The following ZNRF3 variants were observed in gnomAD, a reference collection of about 807,000 sequenced individuals.
The protein encoded by ZNRF3 is zinc and ring finger 3.
ZNRF3 carries 23 observed loss-of-function variants against 72.5 expected under a neutral mutation model. The ratio of observed to expected loss-of-function variants is 0.32; its 90% CI spans 0.23 to 0.45. The LOEUF (loss-of-function observed/expected upper bound fraction) is 0.45. Among genes scored for constraint, ZNRF3 ranks in the 20% least tolerant of loss-of-function variants. ZNRF3 has a pLI of 1.00. For missense variants in ZNRF3, 1,169 were observed against 1,272.1 expected (o/e 0.92, Z 1.23); for synonymous variants, 610 against 545.3 (o/e 1.12, Z -1.65).
intron 1 of ZNRF3, among the ~76,000 whole-genome samples, chr22:28,943,412 C>T (rs1217239526): frequency 6.6e-6 from 1 of 152,176 alleles, no homozygotes; most frequent in Non-Finnish European, 1.5e-5. Context: ...GAGAGATTTA[C>T]CAGGCTGGGG....
intron 2 of ZNRF3, among the ~76,000 whole-genome samples, chr22:28,989,882 C>T (rs2035924946): frequency 6.6e-6 from 1 of 152,196 alleles, no homozygotes; most frequent in Non-Finnish European, 1.5e-5. Context: ...AATGCCTCTC[C>T]AAGAGTTCAA....
chr22:28,926,648 C>T (rs950254381), intron 1 of ZNRF3, among the ~76,000 whole-genome samples: 5 of 151,312 alleles, frequency 3.3e-5, no homozygotes, highest in Admixed American at 1.3e-4. Flanking sequence ...ACTAAAAATA[C>T]AGAAATTAGC....
chr22:28,986,559 C>T, intron 1 of ZNRF3: 4 of 953,846 alleles, frequency 4.2e-6, no homozygotes, highest in Non-Finnish European at 5.0e-6. Context: ...CCAGGGGTAG[C>T]CTTTAAACAG....
chr22:29,011,199 G>T (rs937906997), intron 2 of ZNRF3, among the ~76,000 whole-genome samples: 1 of 152,184 alleles, frequency 6.6e-6, no homozygotes, highest in African/African-American at 2.4e-5. Context: ...TGCTTCCCTG[G>T]CTAGGCTCTT....
chr22:28,927,555 A>G (rs2034626742), intron 1 of ZNRF3, among the ~76,000 whole-genome samples: 1 of 152,222 alleles, frequency 6.6e-6, no homozygotes, highest in Non-Finnish European at 1.5e-5. Flanking sequence ...TTTGCTCTGT[A>G]TCCCCTCCAA....
chr22:28,957,690 C>T (rs1289134045), intron 1 of ZNRF3, among the ~76,000 whole-genome samples: 3 of 151,902 alleles, frequency 2.0e-5, no homozygotes, highest in South Asian at 2.1e-4. Flanking sequence ...CCGCTCGCCT[C>T]GGCCTCCCAA....
chr22:29,053,430 T>C lies in ZNRF3; in HGVS notation c.2768-149T>C, dbSNP rs1013449702. On this transcript the variant is annotated intron_variant, in intron 8 of 8. Transcript: ENST00000544604. ...GAGGTACCTGTGCTCTCAGCACAAATGGAGCCCCTCTGGGAACAGGAACCT... is the reference window on the plus strand; with the variant it reads ...GAGGTACCTGTGCTCTCAGCACAAACGGAGCCCCTCTGGGAACAGGAACCT... 95 of 628,428 alleles carry C rather than the reference T, an allele frequency of 1.5e-4. 1 individual carries two copies. The highest frequency in any genetic ancestry group is 2.3e-4 in the Non-Finnish European group (84 of 371,046). 38.9% of individuals were successfully genotyped at this position (628,428 alleles called of 1,614,324 possible).
chr22:29,043,269 T>C (rs777502302), intron 3 of ZNRF3, 30 bp from the exon 4 acceptor site: 2 of 1,610,264 alleles, frequency 1.2e-6, no homozygotes, highest in Non-Finnish European at 1.7e-6. Context: ...TAAGCGCACC[T>C]TTTAACCAGA....
Position 28,890,504 on chromosome 22 carries a change from TA to T in ZNRF3, c.300+6446del, listed in dbSNP as rs566965980. Among the ~76,000 whole-genome samples the T allele has an allele frequency of 1.5e-4, 23 of 151,704 alleles. No homozygotes were observed. The East Asian group carries it at 4.3e-3, about 28-fold the overall frequency. On this transcript the variant is annotated intron_variant, in intron 1 of 8. Transcript: ENST00000544604. ...GACAGAGCAAGACTCCGTCTCAAAA[TA>T]AAAAAAATAAAAAGAAATCTGTGTG... is the stretch of plus-strand genomic sequence containing the variant.
chr22:29,020,950 C>G (rs2036527992), intron 2 of ZNRF3, among the ~76,000 whole-genome samples: 1 of 152,050 alleles, frequency 6.6e-6, no homozygotes, highest in South Asian at 2.1e-4. Flanking sequence ...GCACCCACCA[C>G]CACGCCTGGC....
intron 1 of ZNRF3, among the ~76,000 whole-genome samples, chr22:28,910,074 T>TG (rs2034288758): frequency 1.3e-5 from 2 of 151,758 alleles, no homozygotes; most frequent in Admixed American, 1.3e-4. Flanking sequence ...TTGCTCTTGT[T>TG]GCCCAGGCTG....
chr22:29,039,222 C>T (rs1427509129), intron 2 of ZNRF3, among the ~76,000 whole-genome samples: 1 of 152,180 alleles, frequency 6.6e-6, no homozygotes, highest in African/African-American at 2.4e-5. Context: ...CCGGGCGGAG[C>T]AGGGAAGCCT....
chr22:28,900,900 GT>G (rs1472321439), intron 1 of ZNRF3, among the ~76,000 whole-genome samples: 1 of 152,064 alleles, frequency 6.6e-6, no homozygotes, highest in Non-Finnish European at 1.5e-5. Context: ...GAGGCCAGGA[GT>G]TTAAGACCAG....
At chr22:29,011,989 G>T (rs1183710111) in intron 2 of ZNRF3, among the ~76,000 whole-genome samples, 4 of 152,172 alleles carry the variant, frequency 2.6e-5, no homozygotes, top group Non-Finnish European at 5.9e-5. Flanking sequence ...CACAGCCGGG[G>T]GACCCTGCAA....
intron 1 of ZNRF3, among the ~76,000 whole-genome samples, chr22:28,884,289 AC>A (rs933830282): frequency 2.0e-5 from 3 of 151,808 alleles, no homozygotes; most frequent in African/African-American, 7.3e-5. Flanking sequence ...GCTCCTGTGA[AC>A]CCCGGGGCGG....
chr22:28,898,850 T>G (rs2123750530), intron 1 of ZNRF3, among the ~76,000 whole-genome samples: 2 of 152,168 alleles, frequency 1.3e-5, no homozygotes, highest in South Asian at 4.1e-4. Context: ...GATTTTCTAG[T>G]CTTTATGGGG....
Position 29,054,320 on chromosome 22 carries a change from G to A in ZNRF3, c.*698G>A, listed in dbSNP as rs1040681760. ...GGGTGTACATGATCCACAGCCCTGC[G>A]GAGCCAGGTCAAGCCGCTGCTATGA... On this transcript the variant is annotated 3_prime_UTR_variant, in exon 9 of 9. Transcript: ENST00000544604. 1.3e-5 allele frequency: 2 copies of A among 152,350 alleles called. No homozygotes were observed. The highest frequency in any genetic ancestry group is 4.8e-5 in the African/African-American group (2 of 41,460). The allele number at this position is 152,350 out of a possible 1,614,324, so 9.4% of individuals were successfully genotyped here.
At chr22:29,034,810 G>T (rs2036836175) in intron 2 of ZNRF3, among the ~76,000 whole-genome samples, 1 of 152,126 alleles carries the variant, frequency 6.6e-6, no homozygotes, top group Non-Finnish European at 1.5e-5. Context: ...CAGCACCATG[G>T]GCAGGATGTG....
intron 1 of ZNRF3, among the ~76,000 whole-genome samples, chr22:28,966,159 C>T (rs1054119638): frequency 7.2e-5 from 11 of 152,184 alleles, no homozygotes; most frequent in Admixed American, 4.6e-4. Context: ...AGCCTAATTC[C>T]GCCCTCTGCA....
Sources: gnomAD v4.1 joint callset for allele counts (sites outside exome capture counted in the v4.1 genomes callset) on GRCh38, gnomAD v4.1.1 for gene constraint, MANE v1.5 for transcripts, NCBI Gene and HGNC (gene_info 2026-07-23, HGNC 2026-07-21) for gene names.